The following SBNO2 variants were observed in gnomAD, a reference collection of about 807,000 sequenced individuals.
The protein encoded by SBNO2 is protein strawberry notch homolog 2.
In SBNO2, 89 loss-of-function variants were observed where a neutral mutation model predicts 146.3. That is an observed-to-expected ratio of 0.61 (90% confidence interval 0.51 to 0.73). SBNO2 has a LOEUF of 0.73. Ranked by LOEUF, SBNO2 falls within the 30% of genes least tolerant of loss-of-function variation. The pLI, the probability that SBNO2 is intolerant of heterozygous loss-of-function variation, is 0.00. For missense variants in SBNO2, 2,092 were observed against 2,003.7 expected (o/e 1.04, Z -0.84); for synonymous variants, 1,147 against 892.6 (o/e 1.29, Z -5.08).
At chr19:1,146,825 G>C (rs2080194974) in intron 4 of SBNO2, among the ~76,000 whole-genome samples, 1 of 151,096 alleles carries the variant, frequency 6.6e-6, no homozygotes, top group Non-Finnish European at 1.5e-5. Context: ...GGTGGGGTCC[G>C]CCTGATGCCG....
intron 4 of SBNO2, among the ~76,000 whole-genome samples, chr19:1,129,159 C>T (rs1339386859): frequency 1.3e-5 from 2 of 152,144 alleles, no homozygotes; most frequent in South Asian, 2.1e-4. Context: ...CCTAGCTACT[C>T]GAGAGGCTGG....
At chr19:1,146,913 C>T (rs1049317972) in intron 4 of SBNO2, among the ~76,000 whole-genome samples, 1 of 152,118 alleles carries the variant, frequency 6.6e-6, no homozygotes, top group Non-Finnish European at 1.5e-5. Flanking sequence ...ATGTGAGTTC[C>T]GTTTTCAGGT....
chr19:1,166,625 A>G (rs1447563178), intron 1 of SBNO2, among the ~76,000 whole-genome samples: 2,329 of 142,266 alleles, frequency 0.016, 53 homozygotes, highest in African/African-American at 0.054. Context: ...GCGCACACAC[A>G]CACACACACA....
intron 4 of SBNO2, among the ~76,000 whole-genome samples, chr19:1,141,069 C>T (rs1197970118): frequency 3.3e-5 from 5 of 151,722 alleles, no homozygotes; most frequent in African/African-American, 1.2e-4. Flanking sequence ...GAAGAGGCGC[C>T]CCGGAGAAGA....
chr19:1,123,134 TGGCCAGAGCTGGCGG>T, intron 7 of SBNO2, 89 bp from the exon 8 acceptor site: 2 of 1,440,262 alleles, frequency 1.4e-6, no homozygotes, highest in Non-Finnish European at 1.9e-6. Context: ...GTCTGGGGCG[TGGCCAGAGCTGGCGG>T]GGCAGTTTGG....
chr19:1,156,983 C>CA (rs1555727369), intron 1 of SBNO2, among the ~76,000 whole-genome samples: 7 of 97,522 alleles, frequency 7.2e-5, no homozygotes, highest in East Asian at 4.1e-4. Context: ...GACCCACAGC[C>CA]CTGCCTTTCC....
intron 4 of SBNO2, among the ~76,000 whole-genome samples, chr19:1,129,555 C>A (rs889008116): frequency 1.3e-5 from 2 of 152,138 alleles, no homozygotes; most frequent in African/African-American, 4.8e-5. Context: ...CCTCTGGAGG[C>A]CCCGATCGGC....
chr19:1,141,033 G>GCACCCCGGAGAAGACA (rs2080131169), intron 4 of SBNO2, among the ~76,000 whole-genome samples: 3 of 151,522 alleles, frequency 2.0e-5, no homozygotes, highest in African/African-American at 7.3e-5. Context: ...TGGAGAAGAC[G>GCACCCCGGAGAAGACA]CACCCCGGAG....
intron 5 of SBNO2, among the ~76,000 whole-genome samples, chr19:1,125,429 G>A (rs758093839): frequency 4.0e-5 from 6 of 151,222 alleles, no homozygotes; most frequent in African/African-American, 1.5e-4. Flanking sequence ...CCAGCACTTC[G>A]GGAGGCCAAG....
At position 1,112,126 on chromosome 19, in the gene SBNO2, C is replaced by A; in HGVS notation, c.2629-59G>T. The A allele has an allele frequency of 6.2e-7, 1 of 1,604,730 alleles. No individual in the cohort carries two copies. Among genetic ancestry groups the A allele is most frequent in the Non-Finnish European group, 8.5e-7 (1 of 1,175,560 alleles). On this transcript the variant is annotated intron_variant, in intron 22 of 31. Transcript: ENST00000361757. This position sits in a 1 kb window ranked among gnomAD's most constrained non-coding sequence, Gnocchi z 5.9. ...CTGGGGTCTGGCCTCTAGCACCCCA[C>A]AAAGCTTTGGAGAGCCTTCCTGGGC... is the stretch of plus-strand genomic sequence containing the variant.
Position 1,127,440 on chromosome 19 carries a change from A to G in SBNO2, c.441+164T>C, listed in dbSNP as rs2079977995. ...CTATTCAGGACACAAGAGGACCCTC[A>G]ACTAACCACCTCATCCATGGCCACA... On this transcript the variant is annotated intron_variant, in intron 5 of 31. Coordinates refer to ENST00000361757, the MANE Select transcript of SBNO2 (RefSeq NM_014963.3). The G allele has an allele frequency of 4.4e-6, 3 of 685,530 alleles. No homozygotes were observed. The Admixed American group carries it at 7.7e-5, about 17-fold the overall frequency. 42.5% of individuals were successfully genotyped at this position (685,530 alleles called of 1,614,324 possible).
rs1253936108 is a variant in SBNO2 at position 1,110,368 on chromosome 19, GCAGCGTGCAC to G, written c.3028+367_3028+376del. 6.6e-6 allele frequency among the ~76,000 whole-genome samples: 1 copy of G among 152,192 alleles called. No homozygotes were observed. The highest frequency in any genetic ancestry group is 1.5e-5 in the Non-Finnish European group (1 of 68,024). ...TGAAGCCTGGGGATGAGCATGGTGG[GCAGCGTGCAC>G]CAGCCTGGGCACCTTCCAGAGACGT... On this transcript the variant is annotated intron_variant, in intron 26 of 31. Coordinates refer to ENST00000361757, the MANE Select transcript of SBNO2 (RefSeq NM_014963.3). This position sits in a 1 kb window ranked among gnomAD's most constrained non-coding sequence, Gnocchi z 4.9.
Position 1,109,845 on chromosome 19 carries a change from C to T in SBNO2, c.3029-68G>A. On this transcript the variant is annotated intron_variant, in intron 26 of 31. Coordinates refer to ENST00000361757, the MANE Select transcript of SBNO2 (RefSeq NM_014963.3). The surrounding 1 kb of genome is among the most constrained non-coding windows in gnomAD (Gnocchi z 4.2). ...CTGTGGGCTGGGGCCAGGGTCAGTC[C>T]CGTAGCCGGGGCGCACCCTAGAGAC... 7.9e-7 allele frequency: 1 copy of T among 1,260,072 alleles called. No individual in the cohort carries two copies. The highest frequency in any genetic ancestry group is 1.1e-6 in the Non-Finnish European group (1 of 900,744). The allele number at this position is 1,260,072 out of a possible 1,614,324, so 78.1% of individuals were successfully genotyped here.
intron 1 of SBNO2, among the ~76,000 whole-genome samples, chr19:1,160,544 C>T (rs1488226000): frequency 1.3e-5 from 2 of 152,114 alleles, no homozygotes; most frequent in Non-Finnish European, 2.9e-5. Context: ...GGTCTCGTCC[C>T]TGCAGCCTTC....
chr19:1,114,132 G>A (rs1049348106), intron 18 of SBNO2, 99 bp downstream of exon 18: 41 of 1,142,864 alleles, frequency 3.6e-5, no homozygotes, highest in South Asian at 2.0e-4. Flanking sequence ...CCAGGAGGCC[G>A]GGGGAGCCTC....
intron 1 of SBNO2, among the ~76,000 whole-genome samples, chr19:1,164,147 G>A (rs1371854853): frequency 3.3e-5 from 5 of 152,188 alleles, no homozygotes; most frequent in South Asian, 2.1e-4. Flanking sequence ...CCCCGATTTC[G>A]AGGGAAGCCC....
At position 1,109,631 on chromosome 19, in the gene SBNO2, T is replaced by TGGGGGG; in HGVS notation, c.3124-34_3124-33insCCCCCC. The TGGGGGG allele has an allele frequency of 3.1e-6, 2 of 645,828 alleles. No individual in the cohort carries two copies. Among genetic ancestry groups the TGGGGGG allele is most frequent in the Admixed American group, 5.5e-5 (2 of 36,568 alleles). 40.0% of individuals were successfully genotyped at this position (645,828 alleles called of 1,614,324 possible). The stretch of plus-strand genomic sequence containing the variant: ...GGCACGGGGTGGGGGGGTGTGAGTG[T>TGGGGGG]GGTGGGGGCGGGGTGGGCAGAGTGT... On this transcript the variant is annotated intron_variant, in intron 27 of 31. Transcript: ENST00000361757. This position sits in a 1 kb window ranked among gnomAD's most constrained non-coding sequence, Gnocchi z 4.2.
intron 23 of SBNO2, 144 bp downstream of exon 23, chr19:1,111,852 G>T: frequency 1.2e-6 from 1 of 867,726 alleles, no homozygotes; most frequent in Non-Finnish European, 1.8e-6. Context: ...TTCCCCCCTG[G>T]GGGTCCTAGA....
chr19:1,156,057 C>T (rs2080287150), intron 1 of SBNO2, among the ~76,000 whole-genome samples: 1 of 152,162 alleles, frequency 6.6e-6, no homozygotes, highest in Non-Finnish European at 1.5e-5. Flanking sequence ...GGGGAGGGGG[C>T]ACCTTGGGCA....
Sources: allele counts gnomAD v4.1 joint callset (sites outside exome capture counted in the v4.1 genomes callset), GRCh38; gene constraint gnomAD v4.1.1; non-coding constraint Gnocchi (gnomAD v3.1); transcripts MANE v1.5; gene names NCBI Gene and HGNC (gene_info 2026-07-23, HGNC 2026-07-21).